Variants in ARID5B observed in about 807,000 individuals in gnomAD.
The protein encoded by ARID5B is AT-rich interaction domain 5B.
In ARID5B, 13 loss-of-function variants were observed where a neutral mutation model predicts 97.2. The observed-to-expected ratio is 0.13, with a 90% CI of 0.09 to 0.21. The LOEUF is 0.21. Ranked by LOEUF, ARID5B falls within the 10% of genes least tolerant of loss-of-function variation. ARID5B has a pLI of 1.00. For missense variants in ARID5B, 1,210 were observed against 1,465.3 expected, an observed-to-expected ratio of 0.83 and a Z score of 2.84; for synonymous variants, 556 against 570.3, an observed-to-expected ratio of 0.97 and a Z score of 0.36.
At chr10:61,972,237 T>TC (rs1336510875) in intron 3 of ARID5B, among the ~76,000 whole-genome samples, 1 of 149,082 alleles carries the variant, frequency 6.7e-6, no homozygotes, top group Non-Finnish European at 1.5e-5. Flanking sequence ...TTTTTTTTTT[T>TC]TTTTTTTGAG....
At chr10:61,952,853 T>C (rs994040222) in intron 3 of ARID5B, among the ~76,000 whole-genome samples, 1 of 152,004 alleles carries the variant, frequency 6.6e-6, no homozygotes, top group African/African-American at 2.4e-5. Context: ...GGTGTGTGTG[T>C]GTGTGTGTGT....
chr10:61,957,329 T>G lies in ARID5B; in HGVS notation c.502+16921T>G, dbSNP rs184099453. Among the ~76,000 whole-genome samples, 3 of 152,252 alleles carry G rather than the reference T, an allele frequency of 2.0e-5. No homozygotes were observed. In the East Asian group the frequency reaches 5.8e-4, roughly 29 times the overall value. ...TGTCGCCCAGGCTGGAGTGCAGTGGTGCGATCTCGGCTCACTGCAACCTCC... is the reference window on the plus strand; with the variant it reads ...TGTCGCCCAGGCTGGAGTGCAGTGGGGCGATCTCGGCTCACTGCAACCTCC... On this transcript the variant is annotated intron_variant, in intron 3 of 9. Transcript: ENST00000279873.
intron 4 of ARID5B, among the ~76,000 whole-genome samples, chr10:62,022,129 G>T (rs151335524): frequency 7.9e-5 from 12 of 152,234 alleles, no homozygotes; most frequent in African/African-American, 2.9e-4. Flanking sequence ...AATGAAGTTT[G>T]CCCATATAGT....
At chr10:62,058,774 T>G (rs1839887733) in intron 6 of ARID5B, among the ~76,000 whole-genome samples, 1 of 152,202 alleles carries the variant, frequency 6.6e-6, no homozygotes, top group African/African-American at 2.4e-5. Flanking sequence ...AGTGCTGCCA[T>G]CAGACATTCT....
At chr10:62,012,074 T>C (rs1343443038) in intron 4 of ARID5B, among the ~76,000 whole-genome samples, 1 of 152,236 alleles carries the variant, frequency 6.6e-6, no homozygotes, top group Non-Finnish European at 1.5e-5. Flanking sequence ...TGAAGTTATT[T>C]CTATTACGAA....
At chr10:61,959,652 A>G (rs1838442429) in intron 3 of ARID5B, among the ~76,000 whole-genome samples, 1 of 152,176 alleles carries the variant, frequency 6.6e-6, no homozygotes, top group South Asian at 2.1e-4. Flanking sequence ...CTGATTCTGA[A>G]AGGTATTGAT....
intron 3 of ARID5B, among the ~76,000 whole-genome samples, chr10:61,946,292 A>C (rs528069153): frequency 6.6e-6 from 1 of 152,200 alleles, no homozygotes; most frequent in Non-Finnish European, 1.5e-5. Flanking sequence ...AGATGTGGAC[A>C]TGGGAAGGAT....
At chr10:61,926,354 A>G (rs1179332324) in intron 2 of ARID5B, among the ~76,000 whole-genome samples, 3 of 152,184 alleles carry the variant, frequency 2.0e-5, no homozygotes, top group African/African-American at 7.2e-5. Flanking sequence ...TTAAATGACC[A>G]GTTTTCCAGA....
At chr10:61,976,601 T>C (rs1838701868) in intron 3 of ARID5B, among the ~76,000 whole-genome samples, 1 of 152,200 alleles carries the variant, frequency 6.6e-6, no homozygotes, top group Non-Finnish European at 1.5e-5. Flanking sequence ...AATAAAATTC[T>C]CAAACAGTGC....
rs572882059 is a variant in ARID5B, at chr10:61,926,671, C to T, written c.277-13512C>T. On this transcript the variant is annotated intron_variant, in intron 2 of 9. Coordinates refer to ENST00000279873, the MANE Select transcript of ARID5B (RefSeq NM_032199.3). The stretch of plus-strand genomic sequence containing the variant: ...GTCACCAGGCTGGAGTGCAGTGGCA[C>T]GATCTCAGCTCGCTGCAACCTTCTC... Among the ~76,000 whole-genome samples, 172 of 152,192 alleles carry T rather than the reference C, an allele frequency of 1.1e-3. 1 individual carries two copies. The highest frequency in any genetic ancestry group is 3.9e-3 in the African/African-American group (162 of 41,516).
In ARID5B at chr10:62,070,884, C is replaced by T. The variant is rs545351697; in HGVS notation, c.1199+1087C>T. On this transcript the variant is annotated intron_variant, in intron 8 of 9. Coordinates refer to ENST00000279873, the MANE Select transcript of ARID5B (RefSeq NM_032199.3). The stretch of plus-strand genomic sequence containing the variant: ...TCTGTCAGTGTTTAATACAAAAACT[C>T]ACCCATTCTCACTGTATGTATAAGG... Among the ~76,000 whole-genome samples the T allele has an allele frequency of 4.6e-5, 7 of 152,226 alleles. No homozygotes were observed. In the South Asian group the frequency reaches 1.2e-3, roughly 27 times the overall value.
At position 62,093,112 on chromosome 10, in the gene ARID5B, G is replaced by T. The variant is rs976796336; in HGVS notation, c.*82G>T. On this transcript the variant is annotated 3_prime_UTR_variant, in exon 10 of 10. Transcript: ENST00000279873. ...CCAGGAGTGCTGGCTTATAGAGTTA[G>T]AAGTCAGTATTTCTTCTAATCTGAG... is the stretch of plus-strand genomic sequence containing the variant. 2.0e-6 allele frequency: 3 copies of T among 1,505,768 alleles called. No homozygotes were observed. Among genetic ancestry groups the T allele is most frequent in the East Asian group, 2.3e-5 (1 of 44,222 alleles). The allele number at this position is 1,505,768 out of a possible 1,614,324, so 93.3% of individuals were successfully genotyped here.
chr10:61,905,218 T>C (rs886630581), intron 2 of ARID5B, among the ~76,000 whole-genome samples: 8 of 152,276 alleles, frequency 5.3e-5, no homozygotes, highest in African/African-American at 1.9e-4. Context: ...CAGTACAGTT[T>C]ATTTTAAGTA....
chr10:61,977,733 G>A (rs1198554038), intron 3 of ARID5B, among the ~76,000 whole-genome samples: 1 of 151,998 alleles, frequency 6.6e-6, no homozygotes, highest in African/African-American at 2.4e-5. Context: ...AAATTTGTTT[G>A]AGTTCTTTGT....
chr10:62,042,675 G>A (rs1839653595), intron 4 of ARID5B, among the ~76,000 whole-genome samples: 1 of 152,178 alleles, frequency 6.6e-6, no homozygotes, highest in African/African-American at 2.4e-5. Flanking sequence ...ACTTTGGGAG[G>A]ACGAGGCGGT....
intron 4 of ARID5B, among the ~76,000 whole-genome samples, chr10:62,004,141 T>G (rs1050296947): frequency 6.6e-6 from 1 of 152,232 alleles, no homozygotes; most frequent in Non-Finnish European, 1.5e-5. Context: ...TGGGAAAGGT[T>G]ATTTTAGGCT....
chr10:62,085,937 A>T lies in ARID5B; in HGVS notation c.1398+37A>T, dbSNP rs774434385. ...TGCTCCATAGAAATACCTCTGGAAG[A>T]CATGTGCTGCCTCGAGGTCCTTCTG... On this transcript the variant is annotated intron_variant, in intron 9 of 9. Transcript: ENST00000279873. The T allele has an allele frequency of 3.8e-6, 6 of 1,590,944 alleles. No individual in the cohort carries two copies. In the Admixed American group the frequency reaches 1.1e-4, roughly 29 times the overall value.
At chr10:61,952,080 G>A (rs566405846) in intron 3 of ARID5B, among the ~76,000 whole-genome samples, 53 of 152,238 alleles carry the variant, frequency 3.5e-4, no homozygotes, top group African/African-American at 1.2e-3. Context: ...CACACAGAAC[G>A]TTAAGACACC....
chr10:62,037,412 T>C (rs552917838), intron 4 of ARID5B, among the ~76,000 whole-genome samples: 3 of 152,342 alleles, frequency 2.0e-5, no homozygotes, highest in African/African-American at 4.8e-5. Flanking sequence ...CTTAGTCCCA[T>C]ATTTCCTCAC....
Sources: gnomAD v4.1 joint callset for allele counts (sites outside exome capture counted in the v4.1 genomes callset) on GRCh38, gnomAD v4.1.1 for gene constraint, MANE v1.5 for transcripts, NCBI Gene and HGNC (gene_info 2026-07-23, HGNC 2026-07-21) for gene names.